The following TRPM2 variants were observed in gnomAD, a reference collection of about 807,000 sequenced individuals.
TRPM2 encodes estrogen-responsive element-associated gene 1 protein.
TRPM2 carries 161 observed loss-of-function variants against 174.0 expected under a neutral mutation model. The observed-to-expected ratio is 0.93, with a 90% CI of 0.81 to 1.05. The LOEUF (loss-of-function observed/expected upper bound fraction) is 1.05, where lower values mean the gene tolerates loss of function less well. Among genes scored for constraint, TRPM2 ranks in the 50% least tolerant of loss-of-function variants. The pLI is 0.00. For synonymous variants in TRPM2, 954 were observed against 861.3 expected (o/e 1.11, Z -1.88); for missense variants, 2,057 against 2,038.0 (o/e 1.01, Z -0.18).
chr21:44,406,880 C>A, intron 19 of TRPM2, 115 bp downstream of exon 19: 1 of 1,337,604 alleles, frequency 7.5e-7, no homozygotes, highest in Non-Finnish European at 1.0e-6. Context: ...TCCTGCGGTT[C>A]CCACCTGGCC....
Position 44,406,837 on chromosome 21 carries a change from A to G in TRPM2, c.2962+72A>G, listed in dbSNP as rs1287314376. On this transcript the variant is annotated intron_variant, in intron 19 of 31. Transcript: ENST00000397928. Reference sequence around the variant, plus strand: ...AGGAGAGAGGCTGGAAAGGGGCCGCATGAGTGGGAGTGAGGCCGGCTCCAT... The same window carrying G: ...AGGAGAGAGGCTGGAAAGGGGCCGCGTGAGTGGGAGTGAGGCCGGCTCCAT... 21 of 1,531,036 alleles carry G rather than the reference A, an allele frequency of 1.4e-5. No homozygotes were observed. In the African/African-American group the frequency reaches 2.4e-4, roughly 17 times the overall value. 94.8% of individuals were successfully genotyped at this position (1,531,036 alleles called of 1,614,324 possible).
At chr21:44,363,179 C>T (rs8130603) in intron 2 of TRPM2, among the ~76,000 whole-genome samples, 1,641 of 152,272 alleles carry the variant, frequency 0.011, 31 homozygotes, top group African/African-American at 0.038. Flanking sequence ...CAGATTGTAG[C>T]GTGTGTAGGT....
In TRPM2 at chr21:44,382,023, GTAGA is replaced by G. The variant is rs201443821; in HGVS notation, c.1216-690_1216-687del. Among the ~76,000 whole-genome samples the G allele has an allele frequency of 3.9e-3, 592 of 151,970 alleles. 5 individuals carry two copies. The highest frequency in any genetic ancestry group is 5.9e-3 in the Non-Finnish European group (401 of 67,950). ...ATGATAGATAGATAGTGGGTGGGAG[GTAGA>G]TAGAAAGATAAGTGGATGGATGAAT... On this transcript the variant is annotated intron_variant, in intron 8 of 31. Coordinates refer to ENST00000397928, the MANE Select transcript of TRPM2 (RefSeq NM_003307.4).
chr21:44,439,066 G>C lies in TRPM2; in HGVS notation c.4168-1G>C. The stretch of plus-strand genomic sequence containing the variant: ...CCTGCCTCCGTCCTCTGTCTGTCCA[G>C]GGCTCCCGGGAGCCAGGGGAGATGC... On this transcript the variant is annotated splice_acceptor_variant, in intron 29 of 31. Transcript: ENST00000397928. LOFTEE classifies it high-confidence loss of function. The surrounding 1 kb of genome is among the most constrained non-coding windows in gnomAD (Gnocchi z 5.1). 6.2e-7 allele frequency: 1 copy of C among 1,611,962 alleles called. No individual in the cohort carries two copies. Among genetic ancestry groups the C allele is most frequent in the Non-Finnish European group, 8.5e-7 (1 of 1,179,190 alleles).
intron 12 of TRPM2, among the ~76,000 whole-genome samples, chr21:44,395,941 G>A (rs117963804): frequency 0.018 from 75 of 4,276 alleles, no homozygotes; most frequent in East Asian, 0.034. Context: ...GGAAGCTGTG[G>A]AGGGGTGTGG....
At chr21:44,417,757 GT>G in intron 20 of TRPM2, among the ~76,000 whole-genome samples, 169 bp from the exon 21 acceptor site, 1 of 136,642 alleles carries the variant, frequency 7.3e-6, no homozygotes, top group Non-Finnish European at 1.6e-5. Flanking sequence ...TCTGCTCTCT[GT>G]GACATCACAG....
intron 9 of TRPM2, among the ~76,000 whole-genome samples, chr21:44,387,255 T>C (rs1341085221): frequency 6.6e-6 from 1 of 152,178 alleles, no homozygotes; most frequent in Non-Finnish European, 1.5e-5. Context: ...CCCTCGCATA[T>C]ATGGTCAAAT....
In TRPM2 at chr21:44,400,271, A is replaced by G; in HGVS notation, c.2221A>G (p.Lys741Glu). 6.2e-7 allele frequency: 1 copy of G among 1,612,408 alleles called. No homozygotes were observed. The highest frequency in any genetic ancestry group is 8.5e-7 in the Non-Finnish European group (1 of 1,179,618). ...CCCCCATCCGCAGGCCTTCCTGACC[A>G]AGGTGTGGTGGGGCCAGCTCTCCGT... is the stretch of plus-strand genomic sequence containing the variant. ...SHGGIQAFLT[K>E]VWWGQLSVDN... Residue 741 changes from lysine (K) to glutamate (E), a missense_variant, in exon 15 of 32, where the codon AAG (lysine) becomes GAG (glutamate). Transcript: ENST00000397928.
intron 2 of TRPM2, among the ~76,000 whole-genome samples, chr21:44,358,147 GC>G (rs755448385): frequency 1.3e-5 from 2 of 152,190 alleles, no homozygotes; most frequent in African/African-American, 4.8e-5. Flanking sequence ...CCACTGCTTA[GC>G]CCCACGTCCT....
chr21:44,390,335 T>G (rs2146237981), intron 9 of TRPM2, among the ~76,000 whole-genome samples: 1 of 152,330 alleles, frequency 6.6e-6, no homozygotes, highest in Middle Eastern at 3.4e-3. Context: ...TTCTTGTGTA[T>G]GGTGTGAGGT....
At chr21:44,375,678 C>T (rs79316775) in intron 5 of TRPM2, among the ~76,000 whole-genome samples, 155 bp from the exon 6 acceptor site, 6,301 of 152,318 alleles carry the variant, frequency 0.041, 201 homozygotes, top group Non-Finnish European at 0.064. Flanking sequence ...TCTCATGTTT[C>T]GATCACATGT....
chr21:44,397,974 C>G, intron 13 of TRPM2, 98 bp downstream of exon 13: 1 of 1,373,088 alleles, frequency 7.3e-7, no homozygotes, highest in Non-Finnish European at 9.5e-7. Flanking sequence ...GTGCCCTCAC[C>G]CTGGGGTCCT....
intron 29 of TRPM2, 130 bp downstream of exon 29, chr21:44,437,297 C>A (rs544343618): frequency 2.6e-6 from 2 of 760,806 alleles, no homozygotes; most frequent in Non-Finnish European, 4.3e-6. Flanking sequence ...AGGGAGGGTT[C>A]GAGACCCCGC....
chr21:44,419,871 G>A (rs941219953), intron 22 of TRPM2, among the ~76,000 whole-genome samples: 12 of 150,116 alleles, frequency 8.0e-5, no homozygotes, highest in East Asian at 2.0e-4. Context: ...TGGTGGTAGC[G>A]GTGATGGTGG....
chr21:44,379,534 G>A (rs1188131972), intron 8 of TRPM2, among the ~76,000 whole-genome samples: 2 of 152,232 alleles, frequency 1.3e-5, no homozygotes, highest in African/African-American at 4.8e-5. Flanking sequence ...CAGCCGAGTC[G>A]GGCAGCAGGG....
At chr21:44,418,153 G>T (rs751886001) in intron 21 of TRPM2, 45 bp downstream of exon 21, 2 of 1,576,818 alleles carry the variant, frequency 1.3e-6, no homozygotes, top group Admixed American at 1.7e-5. Flanking sequence ...GGCCACCCGG[G>T]TGCAGAGGGG....
chr21:44,359,622 G>A lies in TRPM2; in HGVS notation c.255-4492G>A, dbSNP rs138324162. 4.0e-3 allele frequency among the ~76,000 whole-genome samples: 607 copies of A among 149,962 alleles called. 4 individuals are homozygous for A. The highest frequency in any genetic ancestry group is 0.014 in the African/African-American group (588 of 40,588). ...TTGTTTTTTTTTAATTCCCTTATTT[G>A]TCCCCGCCCATGTCCTGCTGATTGG... On this transcript the variant is annotated intron_variant, in intron 2 of 31. Transcript: ENST00000397928.
chr21:44,390,777 C>A, intron 9 of TRPM2, 127 bp from the exon 10 acceptor site: 2 of 1,292,314 alleles, frequency 1.5e-6, no homozygotes, highest in Non-Finnish European at 2.2e-6. Context: ...CTGGGTGCTG[C>A]GCCTGTCACT....
chr21:44,362,742 T>A (rs2048252434), intron 2 of TRPM2, among the ~76,000 whole-genome samples: 1 of 152,150 alleles, frequency 6.6e-6, no homozygotes, highest in Non-Finnish European at 1.5e-5. Flanking sequence ...CTTCCTTCAA[T>A]TAAGAAGGTC....
Sources: gnomAD v4.1 joint callset for allele counts (sites outside exome capture counted in the v4.1 genomes callset) on GRCh38, gnomAD v4.1.1 for gene constraint, Gnocchi (gnomAD v3.1) non-coding constraint, MANE v1.5 for transcripts, NCBI Gene and HGNC (gene_info 2026-07-23, HGNC 2026-07-21) for gene names.